The following EYS variants were observed in gnomAD, a reference collection of about 807,000 sequenced individuals.
EYS encodes protein eyes shut homolog.
In EYS, 250 loss-of-function variants were observed where a neutral mutation model predicts 282.1. The observed-to-expected ratio is 0.89, with a 90% confidence interval of 0.80 to 0.98. The LOEUF (loss-of-function observed/expected upper bound fraction) is 0.98. Ranked by LOEUF, EYS falls within the 50% of genes least tolerant of loss-of-function variation. EYS has a pLI of 0.00. For synonymous variants in EYS, 1,355 were observed against 1,282.9 expected (o/e 1.06, Z -1.20); for missense variants, 4,016 against 3,709.0 (o/e 1.08, Z -2.15).
chr6:64,993,562 A>T (rs188711071), intron 14 of EYS, among the ~76,000 whole-genome samples: 1 of 115,414 alleles, frequency 8.7e-6, no homozygotes, highest in East Asian at 2.7e-4. Context: ...AACATCACAC[A>T]CTGGGGTCTC....
intron 22 of EYS, among the ~76,000 whole-genome samples, chr6:64,781,012 T>C (rs2149993470): frequency 6.6e-6 from 1 of 152,322 alleles, no homozygotes; most frequent in South Asian, 2.1e-4. Context: ...TAATATGTTT[T>C]ATATTCATCG....
At chr6:65,226,045 A>G (rs1029141356) in intron 12 of EYS, among the ~76,000 whole-genome samples, 1 of 152,016 alleles carries the variant, frequency 6.6e-6, no homozygotes, top group Non-Finnish European at 1.5e-5. Context: ...AAGAAAAACA[A>G]AGATATCTCT....
chr6:64,567,057 G>A (rs746131347), intron 26 of EYS, among the ~76,000 whole-genome samples: 1 of 152,084 alleles, frequency 6.6e-6, no homozygotes, highest in Non-Finnish European at 1.5e-5. Context: ...TTACAGGCAT[G>A]AGCCACTCCA....
intron 35 of EYS, among the ~76,000 whole-genome samples, chr6:63,913,139 C>G (rs749856345): frequency 6.6e-5 from 10 of 152,080 alleles, no homozygotes; most frequent in Non-Finnish European, 1.3e-4. Flanking sequence ...TTCATATCCC[C>G]TAAAGGGAGC....
intron 35 of EYS, among the ~76,000 whole-genome samples, chr6:63,875,920 C>T (rs991359446): frequency 9.2e-5 from 14 of 152,282 alleles, no homozygotes; most frequent in South Asian, 2.1e-4. Flanking sequence ...TTCAAAAAAC[C>T]AGCTCCTGGA....
At chr6:64,431,520 G>A (rs1312498788) in intron 28 of EYS, among the ~76,000 whole-genome samples, 6 of 152,128 alleles carry the variant, frequency 3.9e-5, no homozygotes, top group Admixed American at 3.3e-4. Context: ...AAAGGGAAAC[G>A]AGCTGTAGAG....
chr6:64,270,023 CAATT>C (rs888584044), intron 30 of EYS, among the ~76,000 whole-genome samples: 8 of 151,908 alleles, frequency 5.3e-5, no homozygotes, highest in African/African-American at 1.9e-4. Flanking sequence ...TTTTCTTAGA[CAATT>C]AATTTAACAT....
intron 24 of EYS, among the ~76,000 whole-genome samples, chr6:64,615,168 T>C (rs1222369047): frequency 6.6e-6 from 1 of 152,140 alleles, no homozygotes; most frequent in Non-Finnish European, 1.5e-5. Flanking sequence ...TTTTTAGTAC[T>C]AATGCAAATC....
intron 30 of EYS, among the ~76,000 whole-genome samples, chr6:64,242,282 T>C (rs1029564150): frequency 6.6e-6 from 1 of 152,146 alleles, no homozygotes; most frequent in Non-Finnish European, 1.5e-5. Flanking sequence ...TCTCACACTA[T>C]TATTGTGATC....
intron 26 of EYS, among the ~76,000 whole-genome samples, chr6:64,540,765 T>C (rs1251534498): frequency 6.6e-6 from 1 of 152,320 alleles, no homozygotes. Context: ...ATTACAGGCA[T>C]GAGCCATCAT....
Position 64,778,365 on chromosome 6 carries a change from T to C in EYS, c.3443+35013A>G, listed in dbSNP as rs146485435. ...GAAATCTGCAAAATCTGCAAAATCTTAGGCTCCAAGCACTAGTGGTCTAAA... is the reference window on the plus strand; with the variant it reads ...GAAATCTGCAAAATCTGCAAAATCTCAGGCTCCAAGCACTAGTGGTCTAAA... On this transcript the variant is annotated intron_variant, in intron 22 of 42. Coordinates refer to ENST00000503581, the MANE Select transcript of EYS (RefSeq NM_001142800.2). Among the ~76,000 whole-genome samples, 275 of 152,322 alleles carry C rather than the reference T, an allele frequency of 1.8e-3. 1 individual carries two copies. The highest frequency in any genetic ancestry group is 6.5e-3 in the African/African-American group (271 of 41,576).
intron 30 of EYS, among the ~76,000 whole-genome samples, chr6:64,264,609 C>A (rs1364195441): frequency 2.0e-5 from 3 of 152,034 alleles, no homozygotes; most frequent in Admixed American, 6.6e-5. Flanking sequence ...GACTTCACTT[C>A]TTAATGAAAA....
chr6:65,648,235 T>C (rs1767523307), intron 1 of EYS, among the ~76,000 whole-genome samples: 1 of 152,092 alleles, frequency 6.6e-6, no homozygotes, highest in African/African-American at 2.4e-5. Flanking sequence ...CGCACATGTT[T>C]ATAGCAGCAG....
chr6:65,431,374 G>C (rs1213638818), intron 5 of EYS, among the ~76,000 whole-genome samples: 2 of 151,922 alleles, frequency 1.3e-5, no homozygotes, highest in African/African-American at 2.4e-5. Flanking sequence ...TTAATTGCTG[G>C]TATTCCTCCT....
chr6:64,251,269 G>A (rs1347419546), intron 30 of EYS, among the ~76,000 whole-genome samples: 1 of 152,092 alleles, frequency 6.6e-6, no homozygotes, highest in African/African-American at 2.4e-5. Context: ...TGTTTAATAA[G>A]CTTTAAAGCA....
intron 33 of EYS, among the ~76,000 whole-genome samples, chr6:64,056,274 A>C (rs1381919050): frequency 6.6e-6 from 1 of 152,166 alleles, no homozygotes; most frequent in Admixed American, 6.5e-5. Context: ...AGGGGCTGAG[A>C]ATACACACTC....
chr6:64,139,208 A>C (rs937153591), intron 31 of EYS, among the ~76,000 whole-genome samples: 3 of 152,206 alleles, frequency 2.0e-5, no homozygotes, highest in Non-Finnish European at 4.4e-5. Flanking sequence ...TCAGAACATA[A>C]AAATAGGGTT....
chr6:64,517,385 G>A (rs890171934), intron 26 of EYS, among the ~76,000 whole-genome samples: 1 of 151,822 alleles, frequency 6.6e-6, no homozygotes, highest in East Asian at 1.9e-4. Context: ...TAGGCAGTGG[G>A]TAGTAAAGCC....
intron 22 of EYS, among the ~76,000 whole-genome samples, chr6:64,797,257 T>C (rs1168219958): frequency 1.3e-5 from 2 of 151,874 alleles, no homozygotes; most frequent in Non-Finnish European, 2.9e-5. Context: ...CCGTACTCTT[T>C]AAGAGGTAAG....
Sources: gnomAD v4.1 joint callset for allele counts (sites outside exome capture counted in the v4.1 genomes callset) on GRCh38, gnomAD v4.1.1 for gene constraint, MANE v1.5 for transcripts, NCBI Gene and HGNC (gene_info 2026-07-23, HGNC 2026-07-21) for gene names.